The following CACNA2D3 variants were observed in gnomAD, a reference collection of about 807,000 sequenced individuals.
CACNA2D3 encodes voltage-dependent calcium channel subunit alpha-2/delta-3.
CACNA2D3 carries 60 observed loss-of-function variants against 160.6 expected under a neutral mutation model. The observed-to-expected ratio is 0.37, with a 90% confidence interval of 0.30 to 0.46. The LOEUF is 0.46. Ranked by LOEUF, CACNA2D3 falls within the 20% of genes least tolerant of loss-of-function variation. The probability of loss-of-function intolerance (pLI) is 1.00; values close to 1 mark genes in which losing one functional copy is unlikely to be tolerated. For missense variants in CACNA2D3, 1,205 were observed against 1,365.0 expected (o/e 0.88, Z 1.85); for synonymous variants, 558 against 492.9 (o/e 1.13, Z -1.75).
rs1315190210 is a variant in CACNA2D3, at chr3:54,149,296, CACAT to C, written c.204+25704_204+25707del. ...ACACACACACACACACACACACACA[CACAT>C]ATGTGTGGAGCCCTCAGCTTGCATA... On this transcript the variant is annotated intron_variant, in intron 2 of 37. Coordinates refer to ENST00000474759, the MANE Select transcript of CACNA2D3 (RefSeq NM_018398.3). 1.2e-3 allele frequency among the ~76,000 whole-genome samples: 189 copies of C among 151,830 alleles called. 2 individuals carry two copies. Among genetic ancestry groups the C allele is most frequent in the African/African-American group, 4.4e-3 (180 of 41,350 alleles).
intron 27 of CACNA2D3, chr3:54,924,967 G>A: frequency 6.2e-7 from 1 of 1,611,098 alleles, no homozygotes; most frequent in Non-Finnish European, 8.5e-7. Context: ...AGATTTGAAA[G>A]GGAATTGTTG....
chr3:54,789,783 T>C (rs1575476451), intron 13 of CACNA2D3: 4 of 490,196 alleles, frequency 8.2e-6, no homozygotes, highest in East Asian at 5.9e-5. Context: ...ATTGAGGCAG[T>C]GTTCACTGAG....
intron 11 of CACNA2D3, among the ~76,000 whole-genome samples, chr3:54,720,705 C>T (rs1246920792): frequency 2.0e-5 from 3 of 152,040 alleles, no homozygotes. Context: ...TATTGTATTT[C>T]TCTCTGTCTC....
At chr3:54,883,422 T>C (rs1217252261) in intron 21 of CACNA2D3, among the ~76,000 whole-genome samples, 2 of 152,202 alleles carry the variant, frequency 1.3e-5, no homozygotes, top group Non-Finnish European at 2.9e-5. Flanking sequence ...ATATGATTTT[T>C]ATCAGAAGGA....
At chr3:55,067,484 C>T (rs574810285) in intron 35 of CACNA2D3, among the ~76,000 whole-genome samples, 1 of 152,310 alleles carries the variant, frequency 6.6e-6, no homozygotes, top group Admixed American at 6.5e-5. Context: ...TACTTATCCT[C>T]GTTGAGTTTC....
intron 27 of CACNA2D3, among the ~76,000 whole-genome samples, chr3:54,928,846 C>G (rs1701105831): frequency 6.6e-6 from 1 of 152,070 alleles, no homozygotes; most frequent in Non-Finnish European, 1.5e-5. Flanking sequence ...TAAAGCCGCC[C>G]CCTGTGAGCA....
chr3:54,667,375 C>T (rs1387747281), intron 11 of CACNA2D3, among the ~76,000 whole-genome samples: 4 of 152,168 alleles, frequency 2.6e-5, no homozygotes, highest in Non-Finnish European at 5.9e-5. Context: ...AATCTGTAAC[C>T]ACCCTCCAAG....
At chr3:54,332,302 T>G (rs1559452509) in intron 3 of CACNA2D3, among the ~76,000 whole-genome samples, 1 of 152,240 alleles carries the variant, frequency 6.6e-6, no homozygotes, top group Non-Finnish European at 1.5e-5. Context: ...TAAATTATAT[T>G]CTCACATCTC....
intron 2 of CACNA2D3, among the ~76,000 whole-genome samples, chr3:54,292,911 A>C (rs1183571891): frequency 1.3e-5 from 2 of 152,250 alleles, no homozygotes; most frequent in Non-Finnish European, 2.9e-5. Context: ...CAATAGCCAA[A>C]GGTGGAAACA....
chr3:54,630,303 T>G (rs1699207175), intron 10 of CACNA2D3, among the ~76,000 whole-genome samples: 1 of 152,034 alleles, frequency 6.6e-6, no homozygotes, highest in Non-Finnish European at 1.5e-5. Context: ...TCATTAGGAG[T>G]GTCTGCTCCC....
chr3:54,765,422 G>A (rs4384925), intron 13 of CACNA2D3, among the ~76,000 whole-genome samples: 63,810 of 152,008 alleles, frequency 0.42, 14,662 homozygotes, highest in Non-Finnish European at 0.5. Context: ...AGCTGAAAAG[G>A]CTTCTCCGAT....
intron 13 of CACNA2D3, among the ~76,000 whole-genome samples, chr3:54,775,682 A>G (rs1240593116): frequency 2.6e-5 from 4 of 152,204 alleles, no homozygotes; most frequent in African/African-American, 4.8e-5. Flanking sequence ...GAAAGTTAGT[A>G]TAGTAATATG....
intron 13 of CACNA2D3, among the ~76,000 whole-genome samples, chr3:54,801,781 G>A (rs990220461): frequency 7.9e-5 from 12 of 151,678 alleles, no homozygotes; most frequent in Middle Eastern, 3.4e-3. Context: ...TCTTTTCCTT[G>A]CTTTTAAACA....
intron 4 of CACNA2D3, among the ~76,000 whole-genome samples, chr3:54,444,002 C>T (rs900865974): frequency 6.6e-6 from 1 of 152,118 alleles, no homozygotes; most frequent in Non-Finnish European, 1.5e-5. Flanking sequence ...TTGAAAGCAC[C>T]AGGGGATGGC....
chr3:54,462,487 A>G (rs1407281690), intron 4 of CACNA2D3, among the ~76,000 whole-genome samples: 1 of 152,314 alleles, frequency 6.6e-6, no homozygotes, highest in East Asian at 1.9e-4. Context: ...TATTTAGGAT[A>G]GTTAGCTCTT....
chr3:54,389,235 G>A (rs1428140876), intron 4 of CACNA2D3, among the ~76,000 whole-genome samples: 1 of 151,740 alleles, frequency 6.6e-6, no homozygotes, highest in Non-Finnish European at 1.5e-5. Context: ...GTGGATGTTG[G>A]AGTCAGCCGA....
intron 30 of CACNA2D3, among the ~76,000 whole-genome samples, chr3:54,985,501 A>T (rs972254298): frequency 6.6e-5 from 10 of 152,208 alleles, no homozygotes; most frequent in African/African-American, 2.4e-4. Flanking sequence ...GTGGTTTCTG[A>T]TGTTAGCTCT....
intron 35 of CACNA2D3, among the ~76,000 whole-genome samples, chr3:55,046,040 G>T (rs1159339503): frequency 6.6e-6 from 1 of 151,354 alleles, no homozygotes; most frequent in Non-Finnish European, 1.5e-5. Context: ...TTTCTCTGAA[G>T]TACTTCTTTA....
At chr3:54,761,928 T>C (rs553128954) in intron 12 of CACNA2D3, among the ~76,000 whole-genome samples, 5 of 152,254 alleles carry the variant, frequency 3.3e-5, no homozygotes, top group Non-Finnish European at 5.9e-5. Context: ...GGCTGGTATT[T>C]CCTTACCCTG....
Sources: gnomAD v4.1 joint callset for allele counts (sites outside exome capture counted in the v4.1 genomes callset) on GRCh38, gnomAD v4.1.1 for gene constraint, MANE v1.5 for transcripts, NCBI Gene and HGNC (gene_info 2026-07-23, HGNC 2026-07-21) for gene names.